Variants in CACNB2 observed in about 807,000 individuals in gnomAD.
The protein encoded by CACNB2 is calcium voltage-gated channel auxiliary subunit beta 2.
Under a neutral mutation model 73.3 loss-of-function variants are expected in CACNB2, and 42 were observed. That is an observed-to-expected ratio of 0.57 (90% CI 0.45 to 0.74). The LOEUF is 0.74. Ranked by LOEUF, CACNB2 falls within the 30% of genes least tolerant of loss-of-function variation. The pLI is 0.00. For missense variants in CACNB2, 940 were observed against 853.0 expected (o/e 1.10, Z -1.27); for synonymous variants, 348 against 310.3 (o/e 1.12, Z -1.28).
chr10:18,425,750 C>G (rs1208975745), intron 3 of CACNB2, among the ~76,000 whole-genome samples: 1 of 152,162 alleles, frequency 6.6e-6, no homozygotes, highest in East Asian at 1.9e-4. Flanking sequence ...TTATTTCTAA[C>G]AGTTTTAAAA....
At chr10:18,245,469 G>A (rs926716916) in intron 2 of CACNB2, among the ~76,000 whole-genome samples, 3 of 152,080 alleles carry the variant, frequency 2.0e-5, no homozygotes, top group Non-Finnish European at 2.9e-5. Flanking sequence ...TTACAGGCAT[G>A]CACCATCATA....
chr10:18,389,787 C>T (rs913498634), intron 2 of CACNB2, among the ~76,000 whole-genome samples: 3 of 152,166 alleles, frequency 2.0e-5, no homozygotes, highest in African/African-American at 2.4e-5. Flanking sequence ...GTCCCCCTGA[C>T]ATTGTGAATT....
At chr10:18,429,871 C>T (rs1158966194) in intron 3 of CACNB2, among the ~76,000 whole-genome samples, 1 of 150,466 alleles carries the variant, frequency 6.6e-6, no homozygotes. Context: ...CCCAGGTACT[C>T]AGGAGGCTGG....
At chr10:18,516,592 C>G (rs1324606571) in intron 7 of CACNB2, among the ~76,000 whole-genome samples, 1 of 152,172 alleles carries the variant, frequency 6.6e-6, no homozygotes, top group Non-Finnish European at 1.5e-5. Flanking sequence ...CAGTATGATC[C>G]CAGGTGGTAT....
At chr10:18,244,360 A>G (rs2036779985) in intron 2 of CACNB2, among the ~76,000 whole-genome samples, 1 of 152,226 alleles carries the variant, frequency 6.6e-6, no homozygotes, top group Non-Finnish European at 1.5e-5. Flanking sequence ...TAAAAACTAA[A>G]ATTAGAATCA....
intron 3 of CACNB2, among the ~76,000 whole-genome samples, chr10:18,473,835 G>T (rs1800806014): frequency 6.6e-6 from 1 of 152,160 alleles, no homozygotes; most frequent in African/African-American, 2.4e-5. Context: ...AATTCCCTAA[G>T]GTTTCAATAG....
At chr10:18,224,047 G>T (rs1041101503) in intron 2 of CACNB2, among the ~76,000 whole-genome samples, 2 of 151,368 alleles carry the variant, frequency 1.3e-5, no homozygotes, top group Non-Finnish European at 2.9e-5. Context: ...GAATTAATGA[G>T]GTTTAGTTTG....
intron 1 of CACNB2, among the ~76,000 whole-genome samples, chr10:18,150,164 C>G (rs1175670106): frequency 6.6e-6 from 1 of 152,094 alleles, no homozygotes; most frequent in Non-Finnish European, 1.5e-5. Flanking sequence ...TGAATGTAAA[C>G]ATAATAGGAA....
In CACNB2 at chr10:18,470,304, T is replaced by C. The variant is rs560146974; in HGVS notation, c.334-28051T>C. On this transcript the variant is annotated intron_variant, in intron 3 of 13. Coordinates refer to ENST00000324631, the MANE Select transcript of CACNB2 (RefSeq NM_201596.3). ...GAGTTTGAGGTTGGCCTGGCCAACATGTATATAATATATATATTGTATATA... is the reference window on the plus strand; with the variant it reads ...GAGTTTGAGGTTGGCCTGGCCAACACGTATATAATATATATATTGTATATA... 2.0e-5 allele frequency among the ~76,000 whole-genome samples: 3 copies of C among 149,726 alleles called. No individual in the cohort carries two copies. In the East Asian group the frequency reaches 5.8e-4, roughly 29 times the overall value.
chr10:18,185,037 C>T (rs1011668291), intron 2 of CACNB2, among the ~76,000 whole-genome samples: 1 of 152,084 alleles, frequency 6.6e-6, no homozygotes, highest in African/African-American at 2.4e-5. Flanking sequence ...CAGAATCCCA[C>T]TATGTTTCCC....
At chr10:18,192,822 T>C (rs578093367) in intron 2 of CACNB2, among the ~76,000 whole-genome samples, 4 of 152,360 alleles carry the variant, frequency 2.6e-5, no homozygotes, top group African/African-American at 9.6e-5. Flanking sequence ...TTCATTCTTC[T>C]TTATGACTGA....
intron 3 of CACNB2, among the ~76,000 whole-genome samples, chr10:18,491,991 G>T (rs2132946837): frequency 6.6e-6 from 1 of 152,264 alleles, no homozygotes; most frequent in Non-Finnish European, 1.5e-5. Context: ...TCACAGTTCT[G>T]CAAGCTGTAC....
chr10:18,292,964 A>T (rs1316821715), intron 2 of CACNB2, among the ~76,000 whole-genome samples: 1 of 152,224 alleles, frequency 6.6e-6, no homozygotes, highest in Non-Finnish European at 1.5e-5. Flanking sequence ...GCAATAATGT[A>T]GGAAAAATAA....
At chr10:18,491,122 T>C (rs1225907504) in intron 3 of CACNB2, among the ~76,000 whole-genome samples, 1 of 152,186 alleles carries the variant, frequency 6.6e-6, no homozygotes, top group Non-Finnish European at 1.5e-5. Context: ...GGACTCTTCT[T>C]TACCTTAAGG....
chr10:18,193,788 T>C (rs1041793734), intron 2 of CACNB2, among the ~76,000 whole-genome samples: 1 of 152,202 alleles, frequency 6.6e-6, no homozygotes, highest in African/African-American at 2.4e-5. Context: ...TAAATATGTA[T>C]GCATCCTGAT....
intron 3 of CACNB2, among the ~76,000 whole-genome samples, chr10:18,425,569 G>C (rs1575837): frequency 1.3e-5 from 2 of 152,106 alleles, no homozygotes; most frequent in Admixed American, 6.6e-5. Flanking sequence ...TTGGGAGGCT[G>C]AGTTGGGGGG....
chr10:18,345,918 C>G (rs188434513), intron 2 of CACNB2, among the ~76,000 whole-genome samples: 234 of 152,306 alleles, frequency 1.5e-3, no homozygotes, highest in Non-Finnish European at 1.9e-3. Context: ...TCACATCTGA[C>G]CGAAGCACGC....
chr10:18,298,937 G>A (rs2039388748), intron 2 of CACNB2, among the ~76,000 whole-genome samples: 1 of 152,002 alleles, frequency 6.6e-6, no homozygotes, highest in Non-Finnish European at 1.5e-5. Context: ...AGGTTGGAGA[G>A]ATTGCACTGT....
At chr10:18,232,141 T>C (rs535993373) in intron 2 of CACNB2, among the ~76,000 whole-genome samples, 1 of 152,330 alleles carries the variant, frequency 6.6e-6, no homozygotes, top group South Asian at 2.1e-4. Flanking sequence ...GGTTGATCAT[T>C]GGAGGAAATA....
Sources: allele counts gnomAD v4.1 joint callset (sites outside exome capture counted in the v4.1 genomes callset), GRCh38; gene constraint gnomAD v4.1.1; transcripts MANE v1.5; gene names NCBI Gene and HGNC (gene_info 2026-07-23, HGNC 2026-07-21).